The following ITGB6 variants were observed in gnomAD, a reference collection of about 807,000 sequenced individuals.
ITGB6 encodes the protein integrin subunit beta 6, also known as integrin beta-6.
Under a neutral mutation model 84.5 loss-of-function variants are expected in ITGB6, and 80 were observed. The observed-to-expected ratio is 0.95, with a 90% CI of 0.79 to 1.14. The LOEUF (loss-of-function observed/expected upper bound fraction) is 1.14, where lower values mean the gene tolerates loss of function less well. ITGB6 is among the 50% of genes most tolerant of loss of function. The pLI is 0.00. For synonymous variants in ITGB6, 383 were observed against 354.9 expected (o/e 1.08, Z -0.89); for missense variants, 1,006 against 968.0 (o/e 1.04, Z -0.52).
intron 10 of ITGB6, among the ~76,000 whole-genome samples, chr2:160,134,696 G>C (rs1193681408): frequency 6.6e-6 from 1 of 152,142 alleles, no homozygotes; most frequent in Non-Finnish European, 1.5e-5. Context: ...ACATCAAAAA[G>C]CTTACCCACC....
intron 5 of ITGB6, 129 bp downstream of exon 5, chr2:160,173,845 A>T: frequency 1.2e-6 from 1 of 817,874 alleles, no homozygotes; most frequent in Non-Finnish European, 1.9e-6. Context: ...TGTGTATTTT[A>T]AGAAAAATAT....
intron 4 of ITGB6, among the ~76,000 whole-genome samples, chr2:160,178,674 C>T (rs537295216): frequency 2.6e-4 from 30 of 114,090 alleles, no homozygotes; most frequent in Admixed American, 6.9e-4. Flanking sequence ...CTATCTTTCT[C>T]TCTCTCTCTC....
chr2:160,133,667 T>C (rs930890619), intron 10 of ITGB6, among the ~76,000 whole-genome samples: 16 of 152,070 alleles, frequency 1.1e-4, no homozygotes, highest in Non-Finnish European at 1.8e-4. Flanking sequence ...AAAGCACTCC[T>C]CAGCAAATGT....
At chr2:160,150,531 A>G (rs1684372874) in intron 7 of ITGB6, among the ~76,000 whole-genome samples, 1 of 152,226 alleles carries the variant, frequency 6.6e-6, no homozygotes, top group Non-Finnish European at 1.5e-5. Context: ...CATCGATGCT[A>G]TGAAGAAACT....
In ITGB6 at chr2:160,107,812, A is replaced by G. The variant is rs367865998; in HGVS notation, c.2135T>C (p.Met712Thr). The part of the protein sequence containing the change: ...CPKPPNIPMI[M>T]LGVSLAILLI... The stretch of plus-strand genomic sequence containing the variant: ...AAGAATAGCCAGGGAAACCCCTAAC[A>G]TGATCATGGGAATGTTTGGAGGCTT... The change falls in exon 14 of 15, where the codon ATG becomes ACG. Residue 712 changes from methionine to threonine, a missense_variant. By Grantham distance (81) the Met-to-Thr change is moderately conservative. Transcript: ENST00000283249. 8.6e-5 allele frequency: 138 copies of G among 1,613,210 alleles called. No individual in the cohort carries two copies. The highest frequency in any genetic ancestry group is 1.1e-4 in the Non-Finnish European group (129 of 1,179,442).
chr2:160,135,557 A>T (rs1042106640), intron 10 of ITGB6, among the ~76,000 whole-genome samples: 3 of 152,060 alleles, frequency 2.0e-5, no homozygotes, highest in Non-Finnish European at 4.4e-5. Flanking sequence ...AAACTACTTT[A>T]TAGTTCATAT....
Position 160,195,354 on chromosome 2 carries a change from G to GA in ITGB6, c.593+14dup. 1 of 1,613,676 alleles carries GA rather than the reference G, an allele frequency of 6.2e-7. No individual in the cohort carries two copies. The stretch of plus-strand genomic sequence containing the variant: ...AAATCAGCGCACAAAGATGCCAAGA[G>GA]AATCATTTACTTACCTGCAAGGGTT... On this transcript the variant is annotated intron_variant, in intron 4 of 14. Transcript: ENST00000283249.
chr2:160,196,945 G>A (rs1345209282), intron 2 of ITGB6, among the ~76,000 whole-genome samples: 1 of 152,028 alleles, frequency 6.6e-6, no homozygotes, highest in African/African-American at 2.4e-5. Context: ...GATTCCTAAA[G>A]GGTAGGGATT....
intron 7 of ITGB6, among the ~76,000 whole-genome samples, chr2:160,167,519 T>C (rs574764070): frequency 1.2e-3 from 180 of 152,280 alleles, no homozygotes; most frequent in Non-Finnish European, 1.8e-3. Flanking sequence ...AGACCACAGA[T>C]CATGACAGAA....
chr2:160,156,361 T>G (rs1159995738), intron 7 of ITGB6, among the ~76,000 whole-genome samples: 1 of 152,146 alleles, frequency 6.6e-6, no homozygotes, highest in Non-Finnish European at 1.5e-5. Flanking sequence ...AGTTGCCAAC[T>G]CAGGGGCCTT....
chr2:160,198,542 T>A (rs1308420630), intron 2 of ITGB6, among the ~76,000 whole-genome samples: 1 of 152,244 alleles, frequency 6.6e-6, no homozygotes, highest in Non-Finnish European at 1.5e-5. Flanking sequence ...CATTCTCTAG[T>A]GTCTTAGGAT....
At chr2:160,113,261 T>C (rs748243208) in intron 12 of ITGB6, among the ~76,000 whole-genome samples, 1 of 152,172 alleles carries the variant, frequency 6.6e-6, no homozygotes, top group Non-Finnish European at 1.5e-5. Context: ...ATAAAAACAT[T>C]AATAAAGCAG....
At chr2:160,170,462 G>A (rs1374302831) in intron 6 of ITGB6, among the ~76,000 whole-genome samples, 1 of 152,148 alleles carries the variant, frequency 6.6e-6, no homozygotes, top group East Asian at 1.9e-4. Flanking sequence ...TTACGCTGAT[G>A]CCTAAATCCC....
intron 7 of ITGB6, among the ~76,000 whole-genome samples, chr2:160,154,076 T>C (rs572246065): frequency 4.9e-4 from 75 of 152,328 alleles, no homozygotes; most frequent in Non-Finnish European, 9.8e-4. Flanking sequence ...AGCAATCCCA[T>C]TACTGGGTAT....
chr2:160,114,753 C>T (rs1026144896), intron 12 of ITGB6, among the ~76,000 whole-genome samples: 1 of 152,202 alleles, frequency 6.6e-6, no homozygotes, highest in Non-Finnish European at 1.5e-5. Context: ...CTTTCCTAGT[C>T]AAAGAAAGGG....
chr2:160,151,180 A>G (rs916418527), intron 7 of ITGB6, among the ~76,000 whole-genome samples: 17 of 152,176 alleles, frequency 1.1e-4, no homozygotes, highest in Non-Finnish European at 2.4e-4. Flanking sequence ...TTTAAAATTG[A>G]CCACATAATT....
chr2:160,159,171 G>A (rs1452717756), intron 7 of ITGB6, among the ~76,000 whole-genome samples: 19 of 151,338 alleles, frequency 1.3e-4, no homozygotes, highest in African/African-American at 4.4e-4. Context: ...TGCATTTTAA[G>A]AGGTCCCTGT....
chr2:160,132,225 T>C (rs1683498558), intron 10 of ITGB6, among the ~76,000 whole-genome samples: 1 of 152,160 alleles, frequency 6.6e-6, no homozygotes, highest in Non-Finnish European at 1.5e-5. Context: ...AGGACTGATG[T>C]GGGTTTGGAA....
intron 14 of ITGB6, 89 bp from the exon 15 acceptor site, chr2:160,101,923 C>A: frequency 2.8e-6 from 2 of 721,534 alleles, no homozygotes; most frequent in South Asian, 3.3e-5. Flanking sequence ...AGAGGAGAGT[C>A]AAGCTCAGTC....
Sources: gnomAD v4.1 joint callset for allele counts (sites outside exome capture counted in the v4.1 genomes callset) on GRCh38, gnomAD v4.1.1 for gene constraint, MANE v1.5 for transcripts, NCBI Gene and HGNC (gene_info 2026-07-23, HGNC 2026-07-21) for gene names.